The following VNN2 variants were observed in gnomAD, a reference collection of about 807,000 sequenced individuals.
VNN2 encodes pantetheine hydrolase VNN2.
VNN2 carries 43 observed loss-of-function variants against 43.0 expected under a neutral mutation model. That is an observed-to-expected ratio of 1.00 (90% CI 0.78 to 1.29). VNN2 has a LOEUF of 1.29. VNN2 is among the 50% of genes most tolerant of loss of function. The pLI is 0.00. For synonymous variants in VNN2, 230 were observed against 224.3 expected (o/e 1.03, Z -0.23); for missense variants, 652 against 619.7 (o/e 1.05, Z -0.55).
At chr6:132,757,155 T>G (rs927863774) in intron 2 of VNN2, among the ~76,000 whole-genome samples, 1 of 152,214 alleles carries the variant, frequency 6.6e-6, no homozygotes, top group Non-Finnish European at 1.5e-5. Flanking sequence ...ACTACTTGTA[T>G]CTATGAGATC....
At chr6:132,761,606 G>A (rs1338759436), upstream of VNN2, among the ~76,000 whole-genome samples, 1 of 152,136 alleles carries the variant, frequency 6.6e-6, no homozygotes, top group African/African-American at 2.4e-5. Context: ...GTTGCAGTGA[G>A]CCGAGATAGC....
Position 132,751,259 on chromosome 6 carries a change from T to C in VNN2, c.1086A>G (p.Gln362=), listed in dbSNP as rs1780068214. 6.2e-7 allele frequency: 1 copy of C among 1,614,210 alleles called. No individual in the cohort carries two copies. The highest frequency in any genetic ancestry group is 1.3e-5 in the African/African-American group (1 of 75,066). Residue 362 remains glutamine, a synonymous_variant, in exon 5 of 7, where the codon CAA becomes CAG. Coordinates refer to ENST00000326499, the MANE Select transcript of VNN2 (RefSeq NM_004665.6). ...FENAGNLTVC[Q]KELCCHLSYR... is the part of the protein sequence containing the mutation. ...AGCTTAAATGACAGCAAAGCTCCTTTTGACAGACTGTAAGGTTTCCTGCAT... is the reference window on the plus strand; with the variant it reads ...AGCTTAAATGACAGCAAAGCTCCTTCTGACAGACTGTAAGGTTTCCTGCAT...
chr6:132,758,015 C>T (rs1358603831), upstream of VNN2: 6 of 156,190 alleles, frequency 3.8e-5, 1 homozygote, highest in South Asian at 1.8e-4. Flanking sequence ...TCTTCTTCTT[C>T]TTCTTCTTCT....
intron 3 of VNN2, 43 bp downstream of exon 3, chr6:132,755,800 C>A: frequency 1.9e-6 from 3 of 1,560,154 alleles, no homozygotes; most frequent in Non-Finnish European, 2.6e-6. Context: ...GCATTGACCA[C>A]TCACAACACG....
intron 5 of VNN2, 56 bp downstream of exon 5, chr6:132,751,089 A>T: frequency 6.6e-7 from 1 of 1,524,024 alleles, no homozygotes; most frequent in Middle Eastern, 1.8e-4. Flanking sequence ...AAATATAAAA[A>T]GTTAACCTGG....
At chr6:132,756,265 G>T (rs1475114742) in intron 2 of VNN2, among the ~76,000 whole-genome samples, 1 of 152,068 alleles carries the variant, frequency 6.6e-6, no homozygotes, top group Non-Finnish European at 1.5e-5. Context: ...CTCATCAAGG[G>T]TCTCCTCTCT....
chr6:132,753,525 C>T (rs1041033747), intron 3 of VNN2: 1 of 449,204 alleles, frequency 2.2e-6, no homozygotes, highest in East Asian at 7.0e-5. Flanking sequence ...TATTTAATTT[C>T]CCGATTCCTT....
upstream of VNN2, among the ~76,000 whole-genome samples, chr6:132,758,967 TCTCCTCCTA>T (rs1212520655): frequency 1.4e-5 from 2 of 147,082 alleles, no homozygotes; most frequent in Admixed American, 1.3e-4. Flanking sequence ...TACTTCTCCT[TCTCCTCCTA>T]CTCCTTCTCC....
At chr6:132,758,886 G>A (rs1562254950), upstream of VNN2, among the ~76,000 whole-genome samples, 3 of 151,990 alleles carry the variant, frequency 2.0e-5, no homozygotes, top group Non-Finnish European at 4.4e-5. Context: ...CAGCTCAGGG[G>A]CCCCAGGCCT....
intron 6 of VNN2, among the ~76,000 whole-genome samples, chr6:132,746,599 A>G (rs1779733387): frequency 6.6e-6 from 1 of 152,134 alleles, no homozygotes; most frequent in African/African-American, 2.4e-5. Flanking sequence ...CATGGTCTTC[A>G]GATCACCAGC....
At chr6:132,745,446 C>A (rs538083036) in intron 6 of VNN2, among the ~76,000 whole-genome samples, 1 of 152,274 alleles carries the variant, frequency 6.6e-6, no homozygotes, top group African/African-American at 2.4e-5. Flanking sequence ...GAACTCCTGG[C>A]CTCAAATGGT....
chr6:132,747,304 A>G (rs1779777608), intron 6 of VNN2, among the ~76,000 whole-genome samples: 1 of 151,972 alleles, frequency 6.6e-6, no homozygotes. Context: ...AAATATATAC[A>G]CCTACTATGT....
chr6:132,746,376 A>G (rs1156746585), intron 6 of VNN2, among the ~76,000 whole-genome samples: 2 of 152,226 alleles, frequency 1.3e-5, no homozygotes, highest in Non-Finnish European at 2.9e-5. Context: ...CCATCAACAG[A>G]ACTGAGAAGC....
intron 2 of VNN2, 49 bp downstream of exon 2, chr6:132,757,367 G>A (rs112540055): frequency 1.2e-4 from 179 of 1,539,880 alleles, no homozygotes; most frequent in Admixed American, 1.5e-4. Context: ...GTGAACGTGC[G>A]CATTTTAGAG....
rs1177687058 is a variant in VNN2, at chr6:132,749,911, TTACTCA to T, written c.1201-52_1201-47del. On this transcript the variant is annotated intron_variant, in intron 5 of 6. Coordinates refer to ENST00000326499, the MANE Select transcript of VNN2 (RefSeq NM_004665.6). Reference sequence around the variant, plus strand: ...TAAAACGCAATGCCTTACATTGAAGTTACTCATACCAGAAATGTTGCCTTAGTTTTT... The same window carrying T: ...TAAAACGCAATGCCTTACATTGAAGTTACCAGAAATGTTGCCTTAGTTTTT... 3 of 1,538,804 alleles carry T rather than the reference TTACTCA, an allele frequency of 1.9e-6. No individual in the cohort carries two copies. In the Admixed American group the frequency reaches 5.7e-5, roughly 29 times the overall value.
chr6:132,758,000 T>TTTCTTATTC, upstream of VNN2: 1 of 339,746 alleles, frequency 2.9e-6, no homozygotes. Context: ...TATCATCATT[T>TTTCTTATTC]TTCTTCTTCT....
At chr6:132,758,039 CTTTTTTTTTTTTTTTT>C (rs533088096), upstream of VNN2, 6 of 165,042 alleles carry the variant, frequency 3.6e-5, no homozygotes, top group East Asian at 1.2e-4. Context: ...TCTTCTTCTT[CTTTTTTTTTTTTTTTT>C]TTTTTTTTGA....
In VNN2 at chr6:132,751,294, G is replaced by A. The variant is rs150864226; in HGVS notation, c.1051C>T (p.Leu351Phe). ...GTAAGGTTTCCTGCATTTTCAAAAAGTTCTGTGAAGTTGAACCCATCCCTG... is the reference window on the plus strand; with the variant it reads ...GTAAGGTTTCCTGCATTTTCAAAAAATTCTGTGAAGTTGAACCCATCCCTG... Reference protein sequence around the residue: ...ISRDGFNFTELFENAGNLTVC... With the variant: ...ISRDGFNFTEFFENAGNLTVC... The change falls in exon 5 of 7, where the codon CTT (leucine) becomes TTT (phenylalanine). Residue 351 changes from leucine to phenylalanine, a missense_variant. Coordinates refer to ENST00000326499, the MANE Select transcript of VNN2 (RefSeq NM_004665.6). 6.2e-7 allele frequency: 1 copy of A among 1,614,042 alleles called. No homozygotes were observed. The highest frequency in any genetic ancestry group is 8.5e-7 in the Non-Finnish European group (1 of 1,180,044).
rs1780429470 is a variant in VNN2 at position 132,755,831 on chromosome 6, A to G, written c.537+12T>C. 9 of 1,599,192 alleles carry G rather than the reference A, an allele frequency of 5.6e-6. No homozygotes were observed. The highest frequency in any genetic ancestry group is 5.4e-5 in the African/African-American group (4 of 74,598). The stretch of plus-strand genomic sequence containing the variant: ...ACACGCTCCATTTTACACGTCCGTC[A>G]CTCTCTCTTACCTTATGGTAACGTG... On this transcript the variant is annotated intron_variant, in intron 3 of 6. Transcript: ENST00000326499.
Sources: gnomAD v4.1 joint callset for allele counts (sites outside exome capture counted in the v4.1 genomes callset) on GRCh38, gnomAD v4.1.1 for gene constraint, MANE v1.5 for transcripts, NCBI Gene and HGNC (gene_info 2026-07-23, HGNC 2026-07-21) for gene names.